Variants in MLLT10 observed in about 807,000 individuals in gnomAD.
The protein encoded by MLLT10 is MLLT10 histone lysine methyltransferase DOT1L cofactor.
Under a neutral mutation model 129.1 loss-of-function variants are expected in MLLT10, and 30 were observed. The observed-to-expected ratio is 0.23, with a 90% CI of 0.17 to 0.32. The LOEUF is 0.32. Ranked by LOEUF, MLLT10 falls within the 10% of genes least tolerant of loss-of-function variation. MLLT10 has a pLI of 1.00. For missense variants in MLLT10, 1,119 were observed against 1,268.3 expected (o/e 0.88, Z 1.79); for synonymous variants, 490 against 446.4 (o/e 1.10, Z -1.23).
At chr10:21,574,950 C>G (rs1038082574) in intron 3 of MLLT10, among the ~76,000 whole-genome samples, 1 of 152,040 alleles carries the variant, frequency 6.6e-6, no homozygotes, top group Non-Finnish European at 1.5e-5. Context: ...ACTTAGAATG[C>G]ATAACTTACT....
chr10:21,556,891 T>C (rs1223361069), intron 3 of MLLT10: 1 of 1,551,028 alleles, frequency 6.4e-7, no homozygotes, highest in East Asian at 2.4e-5. Flanking sequence ...TTTATGGCTT[T>C]ATGCCATTTA....
At chr10:21,543,276 A>G (rs2035517072) in intron 3 of MLLT10, among the ~76,000 whole-genome samples, 1 of 151,896 alleles carries the variant, frequency 6.6e-6, no homozygotes, top group African/African-American at 2.4e-5. Flanking sequence ...ATGCGTCACC[A>G]TGCCCGGCTA....
chr10:21,642,952 G>T (rs571508273), intron 8 of MLLT10, among the ~76,000 whole-genome samples: 1 of 152,248 alleles, frequency 6.6e-6, no homozygotes, highest in Non-Finnish European at 1.5e-5. Context: ...ATTTTATATT[G>T]AGCTCCTACA....
intron 13 of MLLT10, among the ~76,000 whole-genome samples, chr10:21,696,972 C>T (rs2054424859): frequency 6.6e-6 from 1 of 151,854 alleles, no homozygotes; most frequent in African/African-American, 2.4e-5. Flanking sequence ...TCCTTTGTAG[C>T]CTGTGAGACT....
chr10:21,556,223 A>T (rs2037940963), intron 3 of MLLT10, among the ~76,000 whole-genome samples: 1 of 152,178 alleles, frequency 6.6e-6, no homozygotes, highest in African/African-American at 2.4e-5. Context: ...TCGGCCTCCC[A>T]AAGTGCTGGG....
chr10:21,630,845 A>G (rs2046929908), intron 8 of MLLT10, among the ~76,000 whole-genome samples: 1 of 152,192 alleles, frequency 6.6e-6, no homozygotes, highest in South Asian at 2.1e-4. Flanking sequence ...GGCATACTGA[A>G]GGAGAGTCTG....
At chr10:21,609,874 T>C (rs995718014) in intron 5 of MLLT10, among the ~76,000 whole-genome samples, 1 of 152,100 alleles carries the variant, frequency 6.6e-6, no homozygotes, top group Admixed American at 6.6e-5. Context: ...GTGTGATGTT[T>C]TCTCTCTCAC....
intron 3 of MLLT10, among the ~76,000 whole-genome samples, chr10:21,562,188 G>GA (rs1194300279): frequency 6.6e-6 from 1 of 152,032 alleles, no homozygotes; most frequent in Non-Finnish European, 1.5e-5. Context: ...TCCTTTTCAA[G>GA]ATTGTTTTGG....
rs767266997 is a variant in MLLT10 at position 21,718,209 on chromosome 10, G to A, written c.1878+4259G>A. On this transcript the variant is annotated intron_variant, in intron 14 of 22. Coordinates refer to ENST00000307729, the MANE Select transcript of MLLT10 (RefSeq NM_001195626.3). ...CCCCCTTTCAACAGACTAGTTTTTAGAGTAATGGCTCTTTCACAAATAATT... is the reference window on the plus strand; with the variant it reads ...CCCCCTTTCAACAGACTAGTTTTTAAAGTAATGGCTCTTTCACAAATAATT... Among the ~76,000 whole-genome samples, 210 of 151,906 alleles carry A rather than the reference G, an allele frequency of 1.4e-3. 1 individual carries two copies. The highest frequency in any genetic ancestry group is 1.1e-3 in the Non-Finnish European group (74 of 67,962).
intron 3 of MLLT10, among the ~76,000 whole-genome samples, chr10:21,581,346 A>G (rs2041435631): frequency 6.6e-6 from 1 of 152,026 alleles, no homozygotes; most frequent in Middle Eastern, 3.4e-3. Context: ...GCGCCCAGCC[A>G]TATTTGTGTT....
At chr10:21,614,325 T>C (rs538632855) in intron 6 of MLLT10, among the ~76,000 whole-genome samples, 1 of 152,272 alleles carries the variant, frequency 6.6e-6, no homozygotes, top group East Asian at 1.9e-4. Context: ...ATCTCGCTTA[T>C]TGTGCTGTGA....
intron 3 of MLLT10, chr10:21,572,053 G>A (rs997632578): frequency 2.6e-5 from 4 of 152,072 alleles, no homozygotes; most frequent in Admixed American, 6.6e-5. Flanking sequence ...CCTCTAAAAG[G>A]TTTTGCTTTT....
intron 3 of MLLT10, among the ~76,000 whole-genome samples, chr10:21,539,917 C>A (rs1041114356): frequency 2.0e-5 from 3 of 151,306 alleles, no homozygotes; most frequent in Non-Finnish European, 4.4e-5. Flanking sequence ...TGCACTCCAA[C>A]CTGGGTGACA....
intron 8 of MLLT10, chr10:21,624,947 C>T: frequency 7.6e-7 from 1 of 1,315,708 alleles, no homozygotes; most frequent in Non-Finnish European, 1.1e-6. Flanking sequence ...CTCCCCTCCC[C>T]CTTGGTGGTG....
chr10:21,561,848 C>A (rs1308550162), intron 3 of MLLT10, among the ~76,000 whole-genome samples: 1 of 151,942 alleles, frequency 6.6e-6, no homozygotes, highest in Non-Finnish European at 1.5e-5. Flanking sequence ...TCTTGTTGCC[C>A]AGGCTGGAGT....
intron 9 of MLLT10, among the ~76,000 whole-genome samples, chr10:21,659,954 G>C (rs1161873287): frequency 6.6e-6 from 1 of 152,004 alleles, no homozygotes; most frequent in Non-Finnish European, 1.5e-5. Context: ...TGAAATTTCT[G>C]TGTTTATTTT....
chr10:21,598,588 T>C (rs1430739267), intron 5 of MLLT10, among the ~76,000 whole-genome samples: 1 of 152,176 alleles, frequency 6.6e-6, no homozygotes, highest in East Asian at 1.9e-4. Context: ...TCTATATCTA[T>C]GTAGAAAACT....
At chr10:21,546,655 C>A (rs2036126287) in intron 3 of MLLT10, among the ~76,000 whole-genome samples, 1 of 151,746 alleles carries the variant, frequency 6.6e-6, no homozygotes, top group Admixed American at 6.6e-5. Context: ...GCAGCCTCTG[C>A]CTCCTGGGTT....
chr10:21,608,586 T>C (rs2044291620), intron 5 of MLLT10, among the ~76,000 whole-genome samples: 1 of 152,154 alleles, frequency 6.6e-6, no homozygotes, highest in Non-Finnish European at 1.5e-5. Flanking sequence ...TTTTCAGCAC[T>C]AGATTTTCAA....
Sources: allele counts gnomAD v4.1 joint callset (sites outside exome capture counted in the v4.1 genomes callset), GRCh38; gene constraint gnomAD v4.1.1; transcripts MANE v1.5; gene names NCBI Gene and HGNC (gene_info 2026-07-23, HGNC 2026-07-21).